COLGALT2: variants seen among roughly 807,000 people sequenced by gnomAD.
COLGALT2 encodes the protein procollagen galactosyltransferase 2.
In COLGALT2, 49 loss-of-function variants were observed where a neutral mutation model predicts 73.4. That is an observed-to-expected ratio of 0.67 (90% CI 0.53 to 0.85). The LOEUF is 0.85. Among genes scored for constraint, COLGALT2 ranks in the 40% least tolerant of loss-of-function variants. The pLI is 0.00. For missense variants in COLGALT2, 722 were observed against 790.2 expected (o/e 0.91, Z 1.03); for synonymous variants, 295 against 307.6 (o/e 0.96, Z 0.43).
intron 1 of COLGALT2, among the ~76,000 whole-genome samples, chr1:183,982,734 G>T (rs1671385829): frequency 6.6e-6 from 1 of 152,166 alleles, no homozygotes; most frequent in Non-Finnish European, 1.5e-5. Flanking sequence ...CCAGGCTGCA[G>T]TGAGTACAAC....
Position 183,944,281 on chromosome 1 carries a change from C to A in COLGALT2, c.1312G>T (p.Asp438Tyr). Residue 438 changes from aspartate (D) to tyrosine (Y), a missense_variant, in exon 10 of 12, where the codon GAT becomes TAT. Asp to Tyr is a radical substitution (Grantham distance 160). Coordinates refer to ENST00000361927, the MANE Select transcript of COLGALT2 (RefSeq NM_015101.4). ...ELEKTLVIED[D>Y]VRFEHQFKKK... is the part of the protein sequence containing the mutation. ...TTAAACTGATGCTCAAAACGCACATCGTCTTCAATTACAAGAGTCTTCTCT... is the reference window on the plus strand; with the variant it reads ...TTAAACTGATGCTCAAAACGCACATAGTCTTCAATTACAAGAGTCTTCTCT... 1 of 1,613,968 alleles carries A rather than the reference C, an allele frequency of 6.2e-7. No homozygotes were observed. The highest frequency in any genetic ancestry group is 8.5e-7 in the Non-Finnish European group (1 of 1,179,960).
At chr1:183,932,775 G>T (rs1427563769), downstream of COLGALT2, among the ~76,000 whole-genome samples, 1 of 152,144 alleles carries the variant, frequency 6.6e-6, no homozygotes, top group Non-Finnish European at 1.5e-5. Flanking sequence ...GCAGCCCTGG[G>T]CCGGAGTGTC....
Position 184,037,577 on chromosome 1 carries a change from G to A in COLGALT2, c.-220C>T. The A allele has an allele frequency of 9.1e-7, 1 of 1,101,262 alleles. No homozygotes were observed. The highest frequency in any genetic ancestry group is 1.1e-6 in the Non-Finnish European group (1 of 905,718). The allele number at this position is 1,101,262 out of a possible 1,614,324, so 68.2% of individuals were successfully genotyped here. A position where few individuals can be genotyped will look rare whatever the true frequency, so the allele number is the denominator to read the frequency against. ...CCAGGCCCCAGTGCGGGTGCGCAGC[G>A]TACCTGCAGCCGCTGGCGCTCCCCT... On this transcript the variant is annotated 5_prime_UTR_variant, in exon 1 of 12. It adds an upstream start codon to the 5' untranslated region. Transcript: ENST00000361927.
In COLGALT2 at chr1:184,013,954, G is replaced by A. The variant is rs183614074; in HGVS notation, c.263+23141C>T. Reference sequence around the variant, plus strand: ...TGTTTTGGGCAAATGCTTGCATGGCGGTGGGAATATAGGAGACAGAGCTGG... The same window carrying A: ...TGTTTTGGGCAAATGCTTGCATGGCAGTGGGAATATAGGAGACAGAGCTGG... On this transcript the variant is annotated intron_variant, in intron 1 of 11. Transcript: ENST00000361927. Among the ~76,000 whole-genome samples the A allele has an allele frequency of 4.1e-4, 62 of 152,260 alleles. 2 individuals carry two copies. In the South Asian group the frequency reaches 6.6e-3, roughly 16 times the overall value.
At chr1:183,970,515 A>T (rs1050117232) in intron 4 of COLGALT2, among the ~76,000 whole-genome samples, 6 of 152,180 alleles carry the variant, frequency 3.9e-5, no homozygotes, top group Non-Finnish European at 7.3e-5. Context: ...TACTTCTCTG[A>T]CATTCCCTTC....
At chr1:183,999,218 T>C (rs1440129878) in intron 1 of COLGALT2, among the ~76,000 whole-genome samples, 1 of 152,128 alleles carries the variant, frequency 6.6e-6, no homozygotes, top group East Asian at 1.9e-4. Context: ...TCTATTGAGA[T>C]GAACATATGG....
intron 1 of COLGALT2, among the ~76,000 whole-genome samples, chr1:184,003,178 T>G (rs1671976426): frequency 6.6e-6 from 1 of 152,200 alleles, no homozygotes; most frequent in African/African-American, 2.4e-5. Flanking sequence ...TCTCATCTCA[T>G]GATGTGACTT....
chr1:183,938,450 T>G lies in COLGALT2; in HGVS notation c.*311A>C. 8.5e-7 allele frequency: 1 copy of G among 1,170,488 alleles called. No individual in the cohort carries two copies. The highest frequency in any genetic ancestry group is 1.1e-6 in the Non-Finnish European group (1 of 943,858). The allele number at this position is 1,170,488 out of a possible 1,614,324, so 72.5% of individuals were successfully genotyped here. A position where few individuals can be genotyped will look rare whatever the true frequency, so the allele number is the denominator to read the frequency against. ...TGAACAAGACTCTGAGCCATGTTGT[T>G]CAACCTTAATGTGGGAATCAGTATC... is the stretch of plus-strand genomic sequence containing the variant. On this transcript the variant is annotated 3_prime_UTR_variant, in exon 12 of 12. Coordinates refer to ENST00000361927, the MANE Select transcript of COLGALT2 (RefSeq NM_015101.4).
intron 11 of COLGALT2, among the ~76,000 whole-genome samples, chr1:183,939,252 C>T (rs563832978): frequency 1.2e-4 from 18 of 152,274 alleles, no homozygotes; most frequent in African/African-American, 3.6e-4. Flanking sequence ...ACATTTCTGA[C>T]GTATTTGAAT....
At position 183,938,895 on chromosome 1, in the gene COLGALT2, C is replaced by G; in HGVS notation, c.1747G>C (p.Val583Leu). 1 of 1,614,152 alleles carries G rather than the reference C, an allele frequency of 6.2e-7. No homozygotes were observed. The highest frequency in any genetic ancestry group is 8.5e-7 in the Non-Finnish European group (1 of 1,180,020). Residue 583 changes from valine to leucine, a missense_variant, in exon 12 of 12, where the codon GTG becomes CTG. Val to Leu is a conservative substitution (Grantham distance 32). Coordinates refer to ENST00000361927, the MANE Select transcript of COLGALT2 (RefSeq NM_015101.4). The stretch of plus-strand genomic sequence containing the variant: ...TGTGTCCTATCCCAGTCGGTGGCCA[C>G]TGTCTCATTGTCCCAGATGGTGGAG... ...ETSTIWDNET[V>L]ATDWDRTHAW...
downstream of COLGALT2, chr1:183,929,720 A>G (rs1669797546): frequency 6.5e-6 from 1 of 153,544 alleles, no homozygotes; most frequent in African/African-American, 2.4e-5. Flanking sequence ...AGATGCCTAC[A>G]TTTCCACTAG....
At chr1:183,962,132 C>CT (rs1670719028) in intron 6 of COLGALT2, among the ~76,000 whole-genome samples, 3 of 118,038 alleles carry the variant, frequency 2.5e-5, no homozygotes, top group African/African-American at 9.8e-5. Context: ...TCTCTGTTTT[C>CT]TTTTCTTTTC....
chr1:183,980,972 C>A (rs1202828474), intron 1 of COLGALT2, among the ~76,000 whole-genome samples: 1 of 152,012 alleles, frequency 6.6e-6, no homozygotes, highest in African/African-American at 2.4e-5. Context: ...AGGTCTTTAA[C>A]AAAATTCCAC....
intron 1 of COLGALT2, among the ~76,000 whole-genome samples, chr1:184,004,519 C>A (rs761789959): frequency 2.6e-5 from 4 of 152,118 alleles, no homozygotes; most frequent in African/African-American, 4.8e-5. Context: ...TTAAACAACC[C>A]TTTTAGGAGG....
chr1:184,015,484 A>T (rs1648969091), intron 1 of COLGALT2, among the ~76,000 whole-genome samples: 1 of 152,182 alleles, frequency 6.6e-6, no homozygotes, highest in Non-Finnish European at 1.5e-5. Flanking sequence ...TCACTCTGAG[A>T]GTCCAATTCC....
intron 1 of COLGALT2, among the ~76,000 whole-genome samples, chr1:184,012,931 G>A (rs1480812685): frequency 2.6e-5 from 4 of 152,212 alleles, no homozygotes; most frequent in African/African-American, 7.2e-5. Context: ...GCTAGAACCT[G>A]GAGATTCAAA....
In COLGALT2 at chr1:183,938,856, G is replaced by C; in HGVS notation, c.1786C>G (p.Arg596Gly). Residue 596 changes from arginine to glycine, a missense_variant, in exon 12 of 12, where the codon CGG becomes GGG. Arg to Gly is a moderately radical substitution (Grantham distance 125, BLOSUM62 -2). Coordinates refer to ENST00000361927, the MANE Select transcript of COLGALT2 (RefSeq NM_015101.4). ...TTGCTGTAGATGCGGCTTTGCTTCC[G>C]GGACTTCCAGGCATGTGTCCTATCC... ...DWDRTHAWKS[R>G]KQSRIYSNAK... 1 of 1,614,136 alleles carries C rather than the reference G, an allele frequency of 6.2e-7. No individual in the cohort carries two copies. Among genetic ancestry groups the C allele is most frequent in the Non-Finnish European group, 8.5e-7 (1 of 1,180,022 alleles).
chr1:183,934,883 A>C (rs555261448), downstream of COLGALT2, among the ~76,000 whole-genome samples: 8 of 152,306 alleles, frequency 5.3e-5, no homozygotes, highest in Admixed American at 3.9e-4. Context: ...CCAAACTTAG[A>C]ATTCTCCCAG....
chr1:183,948,521 C>A (rs915385265), intron 8 of COLGALT2, among the ~76,000 whole-genome samples: 5 of 152,150 alleles, frequency 3.3e-5, no homozygotes, highest in Admixed American at 6.5e-5. Context: ...AAATCCAATA[C>A]CCTTTTATGA....
Sources: allele counts gnomAD v4.1 joint callset (sites outside exome capture counted in the v4.1 genomes callset), GRCh38; gene constraint gnomAD v4.1.1; transcripts MANE v1.5; gene names NCBI Gene and HGNC (gene_info 2026-07-23, HGNC 2026-07-21).